ACACB: variants seen among roughly 807,000 people sequenced by gnomAD.
The protein encoded by ACACB is acetyl-CoA carboxylase beta, also known as acetyl-CoA carboxylase 2.
A neutral mutation model predicts 278.8 loss-of-function variants in ACACB; 209 were observed. The observed-to-expected ratio is 0.75, with a 90% CI of 0.67 to 0.84. The LOEUF (loss-of-function observed/expected upper bound fraction) is 0.84, where lower values mean the gene tolerates loss of function less well. Among genes scored for constraint, ACACB ranks in the 40% least tolerant of loss-of-function variants. ACACB has a pLI of 0.00. For synonymous variants in ACACB, 1,174 were observed against 1,285.6 expected, an observed-to-expected ratio of 0.91 and a Z score of 1.86; for missense variants, 2,850 against 3,269.0, an observed-to-expected ratio of 0.87 and a Z score of 3.13.
intron 2 of ACACB, among the ~76,000 whole-genome samples, chr12:109,164,813 G>A (rs981463613): frequency 1.3e-5 from 2 of 150,318 alleles, no homozygotes; most frequent in African/African-American, 4.9e-5. Flanking sequence ...CACCTCCTGG[G>A]TTCAAGCAAT....
chr12:109,199,562 G>T lies in ACACB; in HGVS notation c.2778+10G>T. The T allele has an allele frequency of 1.4e-6, 2 of 1,441,348 alleles. No individual in the cohort carries two copies. The highest frequency in any genetic ancestry group is 2.7e-5 in the East Asian group (1 of 37,402). The allele number at this position is 1,441,348 out of a possible 1,614,324, so 89.3% of individuals were successfully genotyped here. A position where few individuals can be genotyped will look rare whatever the true frequency, so the allele number is the denominator to read the frequency against. On this transcript the variant is annotated intron_variant, in intron 18 of 52. Transcript: ENST00000338432. Reference sequence around the variant, plus strand: ...CTACGCTGAGATGGAGGTGACTGCAGAGCCGGCCGTGGGGAATCCTGAACC... The same window carrying T: ...CTACGCTGAGATGGAGGTGACTGCATAGCCGGCCGTGGGGAATCCTGAACC...
At position 109,209,252 on chromosome 12, in the gene ACACB, G is replaced by GCCA; in HGVS notation, c.3149_3150insCAC (p.Ala1050_Gly1051insThr). On this transcript the variant is annotated inframe_insertion, in exon 21 of 53. Transcript: ENST00000338432. ...GCTGCAGGAGATCATGACCAGCGTG[G>GCCA]CAGGCCGCATCCCCGCCCCTGTGGA... is the stretch of plus-strand genomic sequence containing the variant. 5 of 1,611,548 alleles carry GCCA rather than the reference G, an allele frequency of 3.1e-6. No homozygotes were observed. The highest frequency in any genetic ancestry group is 4.2e-6 in the Non-Finnish European group (5 of 1,179,654).
intron 27 of ACACB, among the ~76,000 whole-genome samples, chr12:109,226,914 A>T (rs1012735543): frequency 6.6e-6 from 1 of 152,002 alleles, no homozygotes; most frequent in Non-Finnish European, 1.5e-5. Context: ...ACACTCTGAA[A>T]TATGAGCAAA....
Position 109,256,754 on chromosome 12 carries a change from C to T in ACACB, c.6263+518C>T, listed in dbSNP as rs562481063. Among the ~76,000 whole-genome samples the T allele has an allele frequency of 3.3e-5, 5 of 152,322 alleles. No individual in the cohort carries two copies. In the South Asian group the frequency reaches 6.2e-4, roughly 19 times the overall value. On this transcript the variant is annotated intron_variant, in intron 45 of 52. Transcript: ENST00000338432. ...CATCATTTACCACTCATTCCTGGTACGATGTCGCAGCTATAAGTCCAGGCT... is the reference window on the plus strand; with the variant it reads ...CATCATTTACCACTCATTCCTGGTATGATGTCGCAGCTATAAGTCCAGGCT...
chr12:109,254,307 T>A lies in ACACB; in HGVS notation c.6139T>A (p.Trp2047Arg), dbSNP rs1282187226. The change falls in exon 44 of 53, where the codon TGG becomes AGG. Residue 2047 changes from tryptophan (W) to arginine (R), a missense_variant. Transcript: ENST00000338432. ...LPSRAPYDPR[W>R]MLAGRPHPTL... ...ATCCAGAGCTCCCTACGACCCCCGG[T>A]GGATGCTTGCAGGAAGGCCTCACCC... The A allele has an allele frequency of 6.2e-7, 1 of 1,611,940 alleles. No homozygotes were observed. Among genetic ancestry groups the A allele is most frequent in the Non-Finnish European group, 8.5e-7 (1 of 1,179,728 alleles).
At chr12:109,262,319 G>T (rs894160339) in intron 48 of ACACB, 38 bp from the exon 49 acceptor site, 13 of 1,543,660 alleles carry the variant, frequency 8.4e-6, no homozygotes, top group East Asian at 2.2e-5. Context: ...GCTGGGCAAT[G>T]CCTCATATAC....
At position 109,212,882 on chromosome 12, in the gene ACACB, C is replaced by G; in HGVS notation, c.3296C>G (p.Ala1099Gly). 6.2e-7 allele frequency: 1 copy of G among 1,614,158 alleles called. No homozygotes were observed. The highest frequency in any genetic ancestry group is 1.6e-4 in the Middle Eastern group (1 of 6,062). ...CATGCAGCCACCCTGCAGCGGAAGG[C>G]TGATCGAGAGGTCTTCTTCATCAAC... ...DCHAATLQRK[A>G]DREVFFINTQ... is the part of the protein sequence containing the mutation. The change falls in exon 22 of 53, where the codon GCT (alanine) becomes GGT (glycine). Residue 1099 changes from alanine (A) to glycine (G), a missense_variant. Ala to Gly is a moderately conservative substitution (Grantham distance 60). This residue lies in a region of ACACB where 2,265 missense variants were observed against 2,561.3 expected (regional missense o/e 0.88). Coordinates refer to ENST00000338432, the MANE Select transcript of ACACB (RefSeq NM_001093.4).
chr12:109,214,556 A>G (rs1287941980), intron 22 of ACACB, among the ~76,000 whole-genome samples: 1 of 152,234 alleles, frequency 6.6e-6, no homozygotes, highest in Non-Finnish European at 1.5e-5. Context: ...TGAACCATTA[A>G]TAAATTAACT....
intron 10 of ACACB, 173 bp downstream of exon 10, chr12:109,179,470 G>T: frequency 1.5e-6 from 1 of 672,524 alleles, no homozygotes; most frequent in Middle Eastern, 4.1e-4. Context: ...GGATTAGCCG[G>T]TCTGTGAACT....
chr12:109,245,850 A>G, intron 38 of ACACB, 102 bp downstream of exon 38: 1 of 1,439,922 alleles, frequency 6.9e-7, no homozygotes, highest in Middle Eastern at 2.2e-4. Context: ...GTGCTTTGGG[A>G]GGCCAAGGTG....
intron 1 of ACACB, among the ~76,000 whole-genome samples, chr12:109,137,169 T>C (rs1022580335): frequency 3.3e-5 from 5 of 152,136 alleles, no homozygotes; most frequent in Non-Finnish European, 7.3e-5. Context: ...GACTGACTTT[T>C]CTTTAAAAAA....
Position 109,179,292 on chromosome 12 carries a change from G to A in ACACB, c.1642G>A (p.Glu548Lys). The change falls in exon 10 of 53, where the codon GAG becomes AAG. Residue 548 changes from glutamate (E) to lysine (K), a missense_variant. This residue lies in a region of ACACB where 2,265 missense variants were observed against 2,561.3 expected (regional missense o/e 0.88). Transcript: ENST00000338432. ...CCCGCTGGCCATATTCGAGTTCATG[G>A]AGCAGGTACACTTCTCAGAGCCCAG... ...IAPLAIFEFM[E>K]QCAIRLAKTV... is the part of the protein sequence containing the mutation. 2.5e-6 allele frequency: 4 copies of A among 1,613,018 alleles called. No homozygotes were observed. Among genetic ancestry groups the A allele is most frequent in the Non-Finnish European group, 3.4e-6 (4 of 1,179,812 alleles).
chr12:109,212,676 C>T (rs576117264), intron 21 of ACACB, among the ~76,000 whole-genome samples, 160 bp from the exon 22 acceptor site: 1 of 152,262 alleles, frequency 6.6e-6, no homozygotes, highest in East Asian at 1.9e-4. Flanking sequence ...GATGAAGCTT[C>T]GCTCCCTCAC....
At chr12:109,239,709 A>G (rs916559810) in intron 34 of ACACB, 121 bp from the exon 35 acceptor site, 95 of 1,211,092 alleles carry the variant, frequency 7.8e-5, no homozygotes, top group Non-Finnish European at 8.3e-5. Context: ...TGCCTGGCAC[A>G]CTTTTTGGAG....
chr12:109,231,116 C>A (rs1359896038), intron 28 of ACACB, among the ~76,000 whole-genome samples: 1 of 151,996 alleles, frequency 6.6e-6, no homozygotes, highest in Non-Finnish European at 1.5e-5. Context: ...TGCTTTAGGT[C>A]ACCGAGACCC....
intron 28 of ACACB, among the ~76,000 whole-genome samples, chr12:109,230,650 G>A (rs1459568382): frequency 1.3e-5 from 2 of 152,124 alleles, no homozygotes; most frequent in African/African-American, 2.4e-5. Flanking sequence ...GGTTGGTCTT[G>A]AACTCCTGGG....
In ACACB at chr12:109,258,257, T is replaced by C; in HGVS notation, c.6264-11T>C. ...TGCCCAGGGCCTGGCTCACTGGTGCTCATTTTCCAGGCTTGGGGGGATTCC... is the reference window on the plus strand; with the variant it reads ...TGCCCAGGGCCTGGCTCACTGGTGCCCATTTTCCAGGCTTGGGGGGATTCC... On this transcript the variant is annotated splice_polypyrimidine_tract_variant and intron_variant, in intron 45 of 52. Coordinates refer to ENST00000338432, the MANE Select transcript of ACACB (RefSeq NM_001093.4). The C allele has an allele frequency of 1.2e-6, 2 of 1,609,114 alleles. No individual in the cohort carries two copies. Among genetic ancestry groups the C allele is most frequent in the South Asian group, 1.1e-5 (1 of 89,562 alleles).
In ACACB at chr12:109,206,428, CA is replaced by C. The variant is rs35315851; in HGVS notation, c.2914-266del. On this transcript the variant is annotated intron_variant, in intron 19 of 52. Coordinates refer to ENST00000338432, the MANE Select transcript of ACACB (RefSeq NM_001093.4). ...CAGCCTGGGGACAATGCGAGTGTCTCAAAAAAAAAAAAAAAACAGATCTCAC... is the reference window on the plus strand; with the variant it reads ...CAGCCTGGGGACAATGCGAGTGTCTCAAAAAAAAAAAAAAACAGATCTCAC... 2.4e-3 allele frequency among the ~76,000 whole-genome samples: 218 copies of C among 89,760 alleles called. 2 individuals carry two copies. The highest frequency in any genetic ancestry group is 3.0e-3 in the Non-Finnish European group (143 of 47,096). The allele number at this position is 89,760 out of a possible 152,430, so 58.9% of individuals were successfully genotyped here. A position where few individuals can be genotyped will look rare whatever the true frequency, so the allele number is the denominator to read the frequency against.
At chr12:109,127,830 C>T (rs761896602) in intron 1 of ACACB, among the ~76,000 whole-genome samples, 8 of 151,984 alleles carry the variant, frequency 5.3e-5, no homozygotes, top group Non-Finnish European at 8.8e-5. Flanking sequence ...TCTTACAGTT[C>T]GCAGGGAGGG....
Sources: allele counts gnomAD v4.1 joint callset (sites outside exome capture counted in the v4.1 genomes callset), GRCh38; gene constraint gnomAD v4.1.1; regional missense constraint gnomAD v4.1.1; transcripts MANE v1.5; gene names NCBI Gene and HGNC (gene_info 2026-07-23, HGNC 2026-07-21).